Variants in PRDM10 observed in about 807,000 individuals in gnomAD.
The protein encoded by PRDM10 is PR domain zinc finger protein 10.
Under a neutral mutation model 133.1 loss-of-function variants are expected in PRDM10, and 65 were observed. The observed-to-expected ratio is 0.49, with a 90% confidence interval of 0.40 to 0.60. The LOEUF (loss-of-function observed/expected upper bound fraction) is 0.60. Among genes scored for constraint, PRDM10 ranks in the 20% least tolerant of loss-of-function variants. The pLI, the probability that PRDM10 is intolerant of heterozygous loss-of-function variation, is 0.00. For synonymous variants in PRDM10, 582 were observed against 580.4 expected, an observed-to-expected ratio of 1.00 and a Z score of -0.04; for missense variants, 1,137 against 1,507.1, an observed-to-expected ratio of 0.75 and a Z score of 4.07.
At chr11:129,944,345 A>G (rs1382080847) in intron 6 of PRDM10, among the ~76,000 whole-genome samples, 3 of 152,206 alleles carry the variant, frequency 2.0e-5, no homozygotes, top group Admixed American at 1.3e-4. Flanking sequence ...CTGTAATCCC[A>G]GCACTTTGGG....
intron 19 of PRDM10, among the ~76,000 whole-genome samples, chr11:129,908,658 C>G (rs1434643342): frequency 6.6e-6 from 1 of 152,156 alleles, no homozygotes; most frequent in Non-Finnish European, 1.5e-5. Context: ...CCTCTCTCTA[C>G]TTTTATATAT....
Position 129,918,728 on chromosome 11 carries a change from G to A in PRDM10, c.2035-10C>T. 6.3e-7 allele frequency: 1 copy of A among 1,596,214 alleles called. No individual in the cohort carries two copies. Among genetic ancestry groups the A allele is most frequent in the Non-Finnish European group, 8.6e-7 (1 of 1,169,476 alleles). On this transcript the variant is annotated splice_polypyrimidine_tract_variant and intron_variant, in intron 13 of 20. Coordinates refer to ENST00000360871, the MANE Select transcript of PRDM10 (RefSeq NM_199437.2). This position sits in a 1 kb window ranked among gnomAD's most constrained non-coding sequence, Gnocchi z 5.3. ...GTAGTTTGTCTTTTCGCTATTTGGAGAGTATTTTTGAAAACGGGGTAGACA... is the reference window on the plus strand; with the variant it reads ...GTAGTTTGTCTTTTCGCTATTTGGAAAGTATTTTTGAAAACGGGGTAGACA...
chr11:129,917,335 T>C, intron 14 of PRDM10, 98 bp from the exon 15 acceptor site: 1 of 904,496 alleles, frequency 1.1e-6, no homozygotes, highest in South Asian at 1.6e-5. Flanking sequence ...AAGCTGGAAT[T>C]CTCTGAAGCA....
At chr11:129,911,454 C>G (rs1950184155) in intron 18 of PRDM10, among the ~76,000 whole-genome samples, 2 of 152,236 alleles carry the variant, frequency 1.3e-5, no homozygotes, top group Admixed American at 6.5e-5. Flanking sequence ...CAGCCTGCCA[C>G]ACTGCAATCC....
At chr11:129,937,968 G>T (rs900166851) in intron 7 of PRDM10, among the ~76,000 whole-genome samples, 4 of 152,132 alleles carry the variant, frequency 2.6e-5, no homozygotes, top group African/African-American at 9.7e-5. Flanking sequence ...AGCCTCCCCT[G>T]ATTTCTTATC....
At chr11:129,903,915 G>C (rs560253477) in intron 20 of PRDM10, among the ~76,000 whole-genome samples, 22 of 152,194 alleles carry the variant, frequency 1.4e-4, no homozygotes, top group African/African-American at 4.8e-4. Flanking sequence ...CTGTGGCAGG[G>C]GGAGAGAAAT....
Position 129,947,516 on chromosome 11 carries a change from C to T in PRDM10, c.295-146G>A, listed in dbSNP as rs1951459719. On this transcript the variant is annotated intron_variant, in intron 4 of 20. Transcript: ENST00000360871. The surrounding 1 kb of genome is among the most constrained non-coding windows in gnomAD (Gnocchi z 4.6). ...TTCCAGGCCCTGGAAAAATGACTTC[C>T]ATCTACCGGCTGTGAGGAAGAGCTG... 1.6e-5 allele frequency: 24 copies of T among 1,512,264 alleles called. No individual in the cohort carries two copies. The South Asian group carries it at 3.2e-4, about 20-fold the overall frequency. The allele number at this position is 1,512,264 out of a possible 1,614,324, so 93.7% of individuals were successfully genotyped here.
In PRDM10 at chr11:129,924,889, A is replaced by C. The variant is rs1408240123; in HGVS notation, c.1871T>G (p.Phe624Cys). ...TCAGTAGTAGACACTCACCTGGATAAAATCTGGGAACCGTTTCTTACAAGT... is the reference window on the plus strand; with the variant it reads ...TCAGTAGTAGACACTCACCTGGATACAATCTGGGAACCGTTTCTTACAAGT... ...CPTCKKRFPD[F>C]IQVKKHVRSF... The change falls in exon 12 of 21, where the codon TTT becomes TGT. Residue 624 changes from phenylalanine to cysteine, a missense_variant. Phe to Cys is a radical substitution (Grantham distance 205). Transcript: ENST00000360871. 15 of 1,598,448 alleles carry C rather than the reference A, an allele frequency of 9.4e-6. No homozygotes were observed. The highest frequency in any genetic ancestry group is 1.2e-5 in the Non-Finnish European group (14 of 1,172,824).
intron 1 of PRDM10, among the ~76,000 whole-genome samples, chr11:129,995,270 T>C (rs1335538665): frequency 6.6e-6 from 1 of 152,176 alleles, no homozygotes; most frequent in Non-Finnish European, 1.5e-5. Context: ...CTTATTAATA[T>C]ACATCCCCTG....
Position 129,912,489 on chromosome 11 carries a change from C to T in PRDM10, c.2842-264G>A, listed in dbSNP as rs147587641. The stretch of plus-strand genomic sequence containing the variant: ...GTGAATGGCCGGGCGCCGTGGCTCA[C>T]GCCTGTAATCCCAGCACTTTGGGAG... On this transcript the variant is annotated intron_variant, in intron 17 of 20. Transcript: ENST00000360871. Among the ~76,000 whole-genome samples, 1,114 of 152,168 alleles carry T rather than the reference C, an allele frequency of 7.3e-3. 18 individuals carry two copies. The highest frequency in any genetic ancestry group is 0.025 in the African/African-American group (1,053 of 41,532).
intron 1 of PRDM10, among the ~76,000 whole-genome samples, chr11:129,978,380 T>C (rs1451539982): frequency 6.6e-6 from 1 of 152,236 alleles, no homozygotes; most frequent in Admixed American, 6.5e-5. Flanking sequence ...GAGAAAGTCA[T>C]GCTTCTGATA....
chr11:129,949,125 T>C (rs940364775), intron 4 of PRDM10, among the ~76,000 whole-genome samples: 6 of 152,200 alleles, frequency 3.9e-5, no homozygotes, highest in African/African-American at 1.4e-4. Context: ...CCAAACACCA[T>C]CTATTTTGGT....
chr11:129,930,887 T>C (rs1427499942), intron 11 of PRDM10, 129 bp downstream of exon 11: 14 of 1,332,082 alleles, frequency 1.1e-5, no homozygotes, highest in Non-Finnish European at 1.4e-5. Context: ...AATAAGGGGA[T>C]CGAGCATGTG....
chr11:129,980,683 C>T (rs946522293), intron 1 of PRDM10, among the ~76,000 whole-genome samples: 31 of 152,102 alleles, frequency 2.0e-4, no homozygotes, highest in African/African-American at 6.5e-4. Flanking sequence ...CATGCTACAA[C>T]ATAACTGAAC....
At chr11:129,983,634 G>T (rs1239975701) in intron 1 of PRDM10, among the ~76,000 whole-genome samples, 5 of 152,084 alleles carry the variant, frequency 3.3e-5, no homozygotes, top group Non-Finnish European at 5.9e-5. Context: ...ATATTACACT[G>T]TAATGGTTCA....
At chr11:129,950,081 C>G (rs1000148364) in intron 4 of PRDM10, among the ~76,000 whole-genome samples, 2 of 151,674 alleles carry the variant, frequency 1.3e-5, no homozygotes, top group African/African-American at 4.9e-5. Flanking sequence ...ACAAAAAATA[C>G]AAAATTTAGC....
rs368743708 is a variant in PRDM10, at chr11:129,950,361, C to T, written c.295-2991G>A. On this transcript the variant is annotated intron_variant, in intron 4 of 20. Coordinates refer to ENST00000360871, the MANE Select transcript of PRDM10 (RefSeq NM_199437.2). ...TCTGTCTCCAGAAAGCAGATCAAAC[C>T]GGTTATCTCAAACTGCATCCGCACA... Among the ~76,000 whole-genome samples the T allele has an allele frequency of 6.6e-5, 10 of 152,290 alleles. No individual in the cohort carries two copies. In the South Asian group the frequency reaches 8.3e-4, roughly 13 times the overall value.
chr11:129,964,658 A>C (rs1951868700), intron 1 of PRDM10, among the ~76,000 whole-genome samples: 1 of 152,198 alleles, frequency 6.6e-6, no homozygotes, highest in Admixed American at 6.5e-5. Flanking sequence ...TTACAGCTGC[A>C]TATTTTTAAT....
intron 17 of PRDM10, among the ~76,000 whole-genome samples, chr11:129,914,000 C>T (rs1313756087): frequency 6.6e-6 from 1 of 152,080 alleles, no homozygotes; most frequent in Non-Finnish European, 1.5e-5. Context: ...GACTGATATG[C>T]AGAGATTGAC....
Sources: gnomAD v4.1 joint callset for allele counts (sites outside exome capture counted in the v4.1 genomes callset) on GRCh38, gnomAD v4.1.1 for gene constraint, Gnocchi (gnomAD v3.1) non-coding constraint, MANE v1.5 for transcripts, NCBI Gene and HGNC (gene_info 2026-07-23, HGNC 2026-07-21) for gene names.